Variants in MPZL2 observed in about 807,000 individuals in gnomAD.
The protein encoded by MPZL2 is myelin protein zero like 2, also known as myelin protein zero-like protein 2.
MPZL2 carries 32 observed loss-of-function variants against 24.5 expected under a neutral mutation model. The ratio of observed to expected loss-of-function variants is 1.31; its 90% confidence interval spans 0.99 to 1.76. The LOEUF is 1.76. Among genes scored for constraint, MPZL2 ranks in the 40% most tolerant of loss-of-function variants. The pLI, the probability that MPZL2 is intolerant of heterozygous loss-of-function variation, is 0.00. For synonymous variants in MPZL2, 92 were observed against 97.9 expected (o/e 0.94, Z 0.36); for missense variants, 304 against 274.9 (o/e 1.11, Z -0.75).
At position 118,262,985 on chromosome 11, in the gene MPZL2, A is replaced by G; in HGVS notation, c.171T>C (p.Asp57=). Residue 57 remains aspartate, a synonymous_variant, in exon 2 of 6, where the codon GAT becomes GAC. Transcript: ENST00000278937. ...GAAAATTCCAGGTCACTGTTAGAGCATCACCCACAGGGGCAAAGCTGGAGA... is the reference window on the plus strand; with the variant it reads ...GAAAATTCCAGGTCACTGTTAGAGCGTCACCCACAGGGGCAAAGCTGGAGA... ...CTFSSFAPVG[D]ALTVTWNFRP... is the part of the protein sequence containing the mutation. 1 of 1,614,230 alleles carries G rather than the reference A, an allele frequency of 6.2e-7. No individual in the cohort carries two copies. The highest frequency in any genetic ancestry group is 8.5e-7 in the Non-Finnish European group (1 of 1,180,026).
intron 4 of MPZL2, chr11:118,259,518 T>C (rs979752910): frequency 9.8e-5 from 15 of 152,286 alleles, no homozygotes; most frequent in African/African-American, 3.6e-4. Context: ...GAGGGGATAA[T>C]AGGGAGTGAT....
intron 1 of MPZL2, 180 bp from the exon 2 acceptor site, chr11:118,263,277 C>T (rs1949716481): frequency 1.7e-6 from 1 of 593,022 alleles, no homozygotes. Flanking sequence ...GCAGCCTGGA[C>T]CCTCCCATTC....
Position 118,253,619 on chromosome 11 carries a change from T to C in MPZL2, c.*1627A>G, listed in dbSNP as rs1309975380. The C allele has an allele frequency of 6.6e-6, 1 of 152,222 alleles. No homozygotes were observed. Among genetic ancestry groups the C allele is most frequent in the Non-Finnish European group, 1.5e-5 (1 of 68,014 alleles). The allele number at this position is 152,222 out of a possible 1,614,324, so 9.4% of individuals were successfully genotyped here. Reference sequence around the variant, plus strand: ...CCATACATTTTTAACTACTTCTTCATTATTCTTATGGACCATCATCCAGGA... The same window carrying C: ...CCATACATTTTTAACTACTTCTTCACTATTCTTATGGACCATCATCCAGGA... On this transcript the variant is annotated 3_prime_UTR_variant, in exon 6 of 6. Transcript: ENST00000278937.
At position 118,262,942 on chromosome 11, in the gene MPZL2, G is replaced by A. The variant is rs558573449; in HGVS notation, c.214C>T (p.Pro72Ser). The A allele has an allele frequency of 1.9e-6, 3 of 1,613,980 alleles. No individual in the cohort carries two copies. The South Asian group carries it at 3.3e-5, about 18-fold the overall frequency. The change falls in exon 2 of 6, where the codon CCT becomes TCT. Residue 72 changes from proline to serine, a missense_variant. By Grantham distance (74) the Pro-to-Ser change is moderately conservative. Coordinates refer to ENST00000278937, the MANE Select transcript of MPZL2 (RefSeq NM_005797.4). ...GATAATCTACTTACAAACTGCTCAGGTCCCCCGTCTAGAGGACGAAAATTC... is the reference window on the plus strand; with the variant it reads ...GATAATCTACTTACAAACTGCTCAGATCCCCCGTCTAGAGGACGAAAATTC... ...TWNFRPLDGG[P>S]EQFVFYYHID... is the part of the protein sequence containing the mutation.
At chr11:118,256,190 T>C (rs907317958) in intron 5 of MPZL2, among the ~76,000 whole-genome samples, 3 of 152,218 alleles carry the variant, frequency 2.0e-5, no homozygotes, top group African/African-American at 7.2e-5. Flanking sequence ...AATAACGGTC[T>C]GTAAAAAATG....
intron 5 of MPZL2, among the ~76,000 whole-genome samples, chr11:118,255,654 CT>C (rs1162831029): frequency 7.8e-6 from 1 of 128,598 alleles, no homozygotes; most frequent in East Asian, 2.3e-4. Context: ...ATTCTGAAGC[CT>C]TTTTTGTTTT....
At position 118,264,263 on chromosome 11, in the gene MPZL2, G is replaced by A. The variant is rs1278583558; in HGVS notation, c.-110C>T. On this transcript the variant is annotated 5_prime_UTR_variant, in exon 1 of 6. Transcript: ENST00000278937. ...AAGCACCGCGTTTTCCCAGAGAGAG[G>A]AGTTTGAGTTGAGTTCCTCACCTGT... 4 of 1,037,158 alleles carry A rather than the reference G, an allele frequency of 3.9e-6. No individual in the cohort carries two copies. The highest frequency in any genetic ancestry group is 1.6e-5 in the African/African-American group (1 of 63,926). 64.2% of individuals were successfully genotyped at this position (1,037,158 alleles called of 1,614,324 possible). A position where few individuals can be genotyped will look rare whatever the true frequency, so the allele number is the denominator to read the frequency against.
intron 2 of MPZL2, 137 bp from the exon 3 acceptor site, chr11:118,262,785 G>C: frequency 7.4e-7 from 1 of 1,343,620 alleles, no homozygotes; most frequent in Non-Finnish European, 1.0e-6. Flanking sequence ...CCCTTCAACG[G>C]CCTCTCAGTC....
At chr11:118,260,760 T>C (rs988616805) in intron 3 of MPZL2, among the ~76,000 whole-genome samples, 1 of 151,802 alleles carries the variant, frequency 6.6e-6, no homozygotes, top group African/African-American at 2.4e-5. Context: ...ACTGAGAGGA[T>C]AGGAAAGTAA....
At chr11:118,257,365 G>C (rs773707169) in intron 4 of MPZL2, 52 bp from the exon 5 acceptor site, 5 of 1,447,954 alleles carry the variant, frequency 3.5e-6, no homozygotes, top group Non-Finnish European at 4.8e-6. Context: ...AAGCAAGTGG[G>C]TAAATCCCAC....
At position 118,260,054 on chromosome 11, in the gene MPZL2, G is replaced by A. The variant is rs754348803; in HGVS notation, c.584C>T (p.Ser195Leu). 1.8e-5 allele frequency: 29 copies of A among 1,613,722 alleles called. No homozygotes were observed. The highest frequency in any genetic ancestry group is 2.7e-5 in the African/African-American group (2 of 74,886). Residue 195 changes from serine to leucine, a missense_variant and splice_region_variant, in exon 4 of 6, where the codon TCA (serine) becomes TTA (leucine). Physicochemically the swap from Ser to Leu is moderately radical, Grantham distance 145 (BLOSUM62 -2). Coordinates refer to ENST00000278937, the MANE Select transcript of MPZL2 (RefSeq NM_005797.4). ...CTTTCCCAGAACTGCCCAGCCTTACGATTTTATCTCCACCACTTTATGAGC... is the reference window on the plus strand; with the variant it reads ...CTTTCCCAGAACTGCCCAGCCTTACAATTTTATCTCCACCACTTTATGAGC... ...ERAHKVVEIKSKEEERLNQEK... is the reference protein window; with the variant it reads ...ERAHKVVEIKLKEEERLNQEK...
At chr11:118,256,199 T>A (rs912750005) in intron 5 of MPZL2, among the ~76,000 whole-genome samples, 1 of 152,178 alleles carries the variant, frequency 6.6e-6, no homozygotes, top group Admixed American at 6.5e-5. Context: ...CTGTAAAAAA[T>A]GTTCTCCCGT....
rs1219238582 is a variant in MPZL2 at position 118,255,112 on chromosome 11, C to G, written c.*134G>C. Reference sequence around the variant, plus strand: ...CTGGCTCCAGAGGGGTGTTGCTTGTCTAGAATCTAATATGCTGCAGAACTG... The same window carrying G: ...CTGGCTCCAGAGGGGTGTTGCTTGTGTAGAATCTAATATGCTGCAGAACTG... On this transcript the variant is annotated 3_prime_UTR_variant, in exon 6 of 6. Transcript: ENST00000278937. The G allele has an allele frequency of 6.6e-6, 1 of 152,084 alleles. No individual in the cohort carries two copies. The highest frequency in any genetic ancestry group is 1.5e-5 in the Non-Finnish European group (1 of 68,016). 9.4% of individuals were successfully genotyped at this position (152,084 alleles called of 1,614,324 possible). A position where few individuals can be genotyped will look rare whatever the true frequency, so the allele number is the denominator to read the frequency against.
chr11:118,261,704 C>T (rs895638752), intron 3 of MPZL2, among the ~76,000 whole-genome samples: 1 of 152,178 alleles, frequency 6.6e-6, no homozygotes. Context: ...GTGTACTTTG[C>T]TCTTTGTTGC....
rs763406778 is a variant in MPZL2 at position 118,262,492 on chromosome 11, G to A, written c.382C>T (p.Pro128Ser). 3 of 1,614,124 alleles carry A rather than the reference G, an allele frequency of 1.9e-6. No individual in the cohort carries two copies. The East Asian group carries it at 6.7e-5, about 36-fold the overall frequency. ...CCTATCACCCCATCAACATCAGGTG[G>A]GTTCTTCACCTGGCAGGTGTATGTC... The part of the protein sequence containing the change: ...NGTYTCQVKN[P>S]PDVDGVIGEI... Residue 128 changes from proline (P) to serine (S), a missense_variant, in exon 3 of 6, where the codon CCA becomes TCA. By Grantham distance (74) the Pro-to-Ser change is moderately conservative (BLOSUM62 -1). Transcript: ENST00000278937.
intron 3 of MPZL2, among the ~76,000 whole-genome samples, chr11:118,261,491 C>A (rs933518702): frequency 6.6e-5 from 10 of 152,274 alleles, no homozygotes; most frequent in African/African-American, 2.4e-4. Context: ...CCTTGCTGTG[C>A]CTGTACAAAA....
At chr11:118,259,866 G>T in intron 4 of MPZL2, 188 bp downstream of exon 4, 1 of 598,778 alleles carries the variant, frequency 1.7e-6, no homozygotes, top group Non-Finnish European at 2.7e-6. Context: ...GAAATATTTT[G>T]TAAAATTAAG....
rs1045892647 is a variant in MPZL2 at position 118,263,124 on chromosome 11, G to T, written c.59-27C>A. ...TGCAATGAAAAAGAAGAAAAAGAAGGGTTAACAGGGGATGTAGTATTGTGA... is the reference window on the plus strand; with the variant it reads ...TGCAATGAAAAAGAAGAAAAAGAAGTGTTAACAGGGGATGTAGTATTGTGA... On this transcript the variant is annotated intron_variant, in intron 1 of 5. Coordinates refer to ENST00000278937, the MANE Select transcript of MPZL2 (RefSeq NM_005797.4). The T allele has an allele frequency of 1.8e-5, 29 of 1,606,066 alleles. No homozygotes were observed. In the African/African-American group the frequency reaches 3.8e-4, roughly 21 times the overall value.
intron 5 of MPZL2, among the ~76,000 whole-genome samples, chr11:118,255,512 T>C (rs1412957066): frequency 6.6e-6 from 1 of 152,002 alleles, no homozygotes; most frequent in African/African-American, 2.4e-5. Flanking sequence ...TCTCCCCACT[T>C]CTCACTCTCA....
Sources: allele counts gnomAD v4.1 joint callset (sites outside exome capture counted in the v4.1 genomes callset), GRCh38; gene constraint gnomAD v4.1.1; transcripts MANE v1.5; gene names NCBI Gene and HGNC (gene_info 2026-07-23, HGNC 2026-07-21).